Variants in SLC35D2 observed in about 807,000 individuals in gnomAD.
SLC35D2 encodes solute carrier family 35 member D2, also known as nucleotide sugar transporter SLC35D2.
Under a neutral mutation model 41.8 loss-of-function variants are expected in SLC35D2, and 43 were observed. The ratio of observed to expected loss-of-function variants is 1.03; its 90% CI spans 0.81 to 1.33. The LOEUF is 1.33. Among genes scored for constraint, SLC35D2 ranks in the 40% most tolerant of loss-of-function variants. SLC35D2 has a pLI of 0.00. For synonymous variants in SLC35D2, 150 were observed against 163.9 expected, an observed-to-expected ratio of 0.92 and a Z score of 0.65; for missense variants, 380 against 408.4, an observed-to-expected ratio of 0.93 and a Z score of 0.60.
At chr9:96,357,329 C>T (rs1830067775) in intron 4 of SLC35D2, 1 of 152,124 alleles carries the variant, frequency 6.6e-6, no homozygotes, top group Admixed American at 6.6e-5. Context: ...TGAACATCCA[C>T]ATGCAAAAAA....
chr9:96,356,163 G>A (rs11794772), intron 4 of SLC35D2, among the ~76,000 whole-genome samples: 39,228 of 152,058 alleles, frequency 0.26, 5,240 homozygotes, highest in East Asian at 0.55. Context: ...ATCTCTGCGC[G>A]CACTGGCTCC....
Position 96,351,084 on chromosome 9 carries a change from A to G in SLC35D2, c.488+19T>C. ...AAGACACAAAGAAGTTATTGAGCAGAAACAGTCCAAAGTCTTACCCAGCTG... is the reference window on the plus strand; with the variant it reads ...AAGACACAAAGAAGTTATTGAGCAGGAACAGTCCAAAGTCTTACCCAGCTG... On this transcript the variant is annotated intron_variant, in intron 6 of 11. Coordinates refer to ENST00000253270, the MANE Select transcript of SLC35D2 (RefSeq NM_007001.3). 1 of 1,585,348 alleles carries G rather than the reference A, an allele frequency of 6.3e-7. No individual in the cohort carries two copies. The highest frequency in any genetic ancestry group is 8.7e-7 in the Non-Finnish European group (1 of 1,153,982).
chr9:96,375,482 G>C (rs1275380805), intron 1 of SLC35D2, among the ~76,000 whole-genome samples: 1 of 151,172 alleles, frequency 6.6e-6, no homozygotes, highest in Non-Finnish European at 1.5e-5. Flanking sequence ...AGAAGCTGAG[G>C]CAAGAGAATC....
At chr9:96,351,279 TA>T (rs1357023638) in intron 5 of SLC35D2, 108 bp from the exon 6 acceptor site, 26 of 770,444 alleles carry the variant, frequency 3.4e-5, no homozygotes, top group Non-Finnish European at 5.5e-5. Flanking sequence ...TTTTTATAGC[TA>T]AAATCCAGCA....
intron 1 of SLC35D2, chr9:96,374,073 A>T (rs1427473679): frequency 6.6e-6 from 1 of 152,202 alleles, no homozygotes; most frequent in African/African-American, 2.4e-5. Context: ...CGTTTTCAGT[A>T]TGCTTGAAAC....
At chr9:96,371,011 G>A (rs997854936) in intron 1 of SLC35D2, among the ~76,000 whole-genome samples, 2 of 152,094 alleles carry the variant, frequency 1.3e-5, no homozygotes, top group Non-Finnish European at 2.9e-5. Flanking sequence ...TGATCATAGT[G>A]CATGCAGAGG....
intron 4 of SLC35D2, among the ~76,000 whole-genome samples, chr9:96,352,606 G>A (rs1038596606): frequency 6.6e-6 from 1 of 152,122 alleles, no homozygotes; most frequent in Non-Finnish European, 1.5e-5. Context: ...ACAGGCGTGA[G>A]CCACCGCACC....
intron 5 of SLC35D2, 73 bp downstream of exon 5, chr9:96,351,947 TGCAACTAGCAATGGCTAC>T: frequency 1.4e-6 from 1 of 725,818 alleles, no homozygotes; most frequent in Non-Finnish European, 2.4e-6. Flanking sequence ...CTTAAATTAT[TGCAACTAGCAATGGCTAC>T]TAGAATTTGC....
Position 96,383,516 on chromosome 9 carries a change from A to T in SLC35D2, c.119T>A (p.Leu40His). Reference protein sequence around the residue: ...SALFYGTCSFLIVLVNKALLT... With the variant: ...SALFYGTCSFHIVLVNKALLT... ...CAGCGCCTTGTTGACAAGCACGATG[A>T]GGAAGGAGCAGGTCCCGTAGAAGAG... The change falls in exon 1 of 12, where the codon CTC (leucine) becomes CAC (histidine). Residue 40 changes from leucine (L) to histidine (H), a missense_variant. Leu to His is a moderately conservative substitution (Grantham distance 99). Transcript: ENST00000253270. 1.3e-6 allele frequency: 2 copies of T among 1,534,766 alleles called. No homozygotes were observed. The highest frequency in any genetic ancestry group is 3.6e-4 in the Middle Eastern group (2 of 5,630).
At chr9:96,327,299 C>T (rs1451810358) in intron 9 of SLC35D2, among the ~76,000 whole-genome samples, 5 of 152,204 alleles carry the variant, frequency 3.3e-5, no homozygotes, top group Admixed American at 2.0e-4. Context: ...ATTACCCAGG[C>T]GGGACATGAA....
At chr9:96,317,857 TACCAAA>T, downstream of SLC35D2, among the ~76,000 whole-genome samples, 1 of 126,104 alleles carries the variant, frequency 7.9e-6, no homozygotes, top group Admixed American at 7.8e-5. Context: ...ACCCAGTCGC[TACCAAA>T]AATACAAAAA....
At chr9:96,356,382 CT>C (rs199569097) in intron 4 of SLC35D2, among the ~76,000 whole-genome samples, 4,250 of 101,438 alleles carry the variant, frequency 0.042, 81 homozygotes, top group African/African-American at 0.12. Flanking sequence ...TTTATTTATT[CT>C]TTTTTTTTTT....
intron 1 of SLC35D2, among the ~76,000 whole-genome samples, chr9:96,380,071 ATT>A (rs545964226): frequency 6.6e-6 from 1 of 151,886 alleles, no homozygotes; most frequent in Non-Finnish European, 1.5e-5. Flanking sequence ...TAATATTTGT[ATT>A]TTTAGTAGAG....
intron 9 of SLC35D2, among the ~76,000 whole-genome samples, chr9:96,324,720 T>C (rs934827419): frequency 1.3e-5 from 2 of 151,896 alleles, no homozygotes; most frequent in South Asian, 2.1e-4. Context: ...ACCCAGCTAC[T>C]TTTTTTTGTA....
chr9:96,344,120 G>C (rs759261424), intron 7 of SLC35D2, 124 bp from the exon 8 acceptor site: 65 of 569,212 alleles, frequency 1.1e-4, no homozygotes, highest in Non-Finnish European at 1.9e-4. Flanking sequence ...AACTCTTTTG[G>C]AATATTTTCA....
chr9:96,327,888 C>T (rs1241593174), intron 9 of SLC35D2, among the ~76,000 whole-genome samples: 6 of 139,244 alleles, frequency 4.3e-5, no homozygotes, highest in African/African-American at 1.6e-4. Context: ...TCCCAAAGTG[C>T]TGGGACTATA....
At chr9:96,315,935 A>G (rs985132063), downstream of SLC35D2, among the ~76,000 whole-genome samples, 2 of 152,226 alleles carry the variant, frequency 1.3e-5, no homozygotes, top group African/African-American at 4.8e-5. Context: ...ACAAGAACCA[A>G]TGGAGGGTCT....
intron 9 of SLC35D2, 54 bp downstream of exon 9, chr9:96,336,663 G>T: frequency 2.8e-6 from 3 of 1,053,326 alleles, no homozygotes; most frequent in South Asian, 2.8e-5. Flanking sequence ...ATCTTGATTT[G>T]ACTTGTCAAG....
chr9:96,330,635 T>C (rs10990554), intron 9 of SLC35D2, among the ~76,000 whole-genome samples: 7,627 of 152,240 alleles, frequency 0.05, 278 homozygotes, highest in Non-Finnish European at 0.075. Context: ...TGAAGTTAGA[T>C]CTTTTGGGGG....
Sources: allele counts gnomAD v4.1 joint callset (sites outside exome capture counted in the v4.1 genomes callset), GRCh38; gene constraint gnomAD v4.1.1; transcripts MANE v1.5; gene names NCBI Gene and HGNC (gene_info 2026-07-23, HGNC 2026-07-21).